The following TBL1XR1 variants were observed in gnomAD, a reference collection of about 807,000 sequenced individuals.
TBL1XR1 encodes the protein F-box-like/WD repeat-containing protein TBL1XR1.
TBL1XR1 carries 5 observed loss-of-function variants against 66.9 expected under a neutral mutation model. The observed-to-expected ratio is 0.07, with a 90% CI of 0.04 to 0.16. The LOEUF is 0.16. Ranked by LOEUF, TBL1XR1 falls within the 10% of genes least tolerant of loss-of-function variation. The pLI, the probability that TBL1XR1 is intolerant of heterozygous loss-of-function variation, is 1.00. For synonymous variants in TBL1XR1, 210 were observed against 206.0 expected, an observed-to-expected ratio of 1.02 and a Z score of -0.17; for missense variants, 238 against 623.2, an observed-to-expected ratio of 0.38 and a Z score of 6.58.
chr3:177,025,544 T>A lies in TBL1XR1; in HGVS notation c.1519-20A>T. ...ACAAACCTGTAAGAAATTAAAATAA[T>A]CAACCAGTGTATTCAGAATTTTATT... On this transcript the variant is annotated intron_variant, in intron 15 of 15. Coordinates refer to ENST00000457928, the MANE Select transcript of TBL1XR1 (RefSeq NM_024665.7). 1 of 1,610,092 alleles carries A rather than the reference T, an allele frequency of 6.2e-7. No individual in the cohort carries two copies. The highest frequency in any genetic ancestry group is 8.5e-7 in the Non-Finnish European group (1 of 1,177,472).
In TBL1XR1 at chr3:177,050,445, T is replaced by A. The variant is rs568169959; in HGVS notation, c.560+33A>T. 8 of 1,608,838 alleles carry A rather than the reference T, an allele frequency of 5.0e-6. No individual in the cohort carries two copies. The African/African-American group carries it at 1.1e-4, about 22-fold the overall frequency. On this transcript the variant is annotated intron_variant, in intron 6 of 15. Coordinates refer to ENST00000457928, the MANE Select transcript of TBL1XR1 (RefSeq NM_024665.7). ...TATAAAATGTTCAATAAGATATTTT[T>A]AAGTCATTTTAGTATCACTTTGAGA... is the stretch of plus-strand genomic sequence containing the variant.
chr3:177,139,164 C>T (rs1195478105), intron 1 of TBL1XR1, among the ~76,000 whole-genome samples: 1 of 151,924 alleles, frequency 6.6e-6, no homozygotes, highest in Non-Finnish European at 1.5e-5. Context: ...AAACACACTG[C>T]AAGATTAAAA....
chr3:177,194,474 G>A (rs949866948), intron 1 of TBL1XR1, among the ~76,000 whole-genome samples: 2 of 152,062 alleles, frequency 1.3e-5, no homozygotes, highest in Non-Finnish European at 2.9e-5. Flanking sequence ...ACCAAAAATT[G>A]AACAAACCCA....
chr3:177,170,527 G>GTTGACGTGGCACA (rs1395389940), intron 1 of TBL1XR1, among the ~76,000 whole-genome samples: 5 of 152,128 alleles, frequency 3.3e-5, no homozygotes, highest in African/African-American at 4.8e-5. Context: ...CTTATTTCCT[G>GTTGACGTGGCACA]TTGACGTGGC....
chr3:177,097,185 C>T (rs183398741), intron 2 of TBL1XR1, among the ~76,000 whole-genome samples: 1 of 152,286 alleles, frequency 6.6e-6, no homozygotes, highest in East Asian at 1.9e-4. Context: ...TCATTTCCCA[C>T]CAAATTCTAT....
intron 1 of TBL1XR1, among the ~76,000 whole-genome samples, chr3:177,180,108 G>A (rs577082864): frequency 2.0e-5 from 3 of 151,850 alleles, no homozygotes; most frequent in East Asian, 3.9e-4. Context: ...ATGGTGGCAC[G>A]TGCCTGTAAT....
chr3:177,045,989 G>T, intron 10 of TBL1XR1, 140 bp downstream of exon 10: 1 of 619,078 alleles, frequency 1.6e-6, no homozygotes. Flanking sequence ...TGAATGTCAT[G>T]GAACATCAAC....
chr3:177,056,278 C>A (rs1403253277), intron 3 of TBL1XR1, among the ~76,000 whole-genome samples: 1 of 152,202 alleles, frequency 6.6e-6, no homozygotes, highest in East Asian at 1.9e-4. Flanking sequence ...TAAATTTGGA[C>A]CCTATTTAAT....
intron 7 of TBL1XR1, 177 bp from the exon 8 acceptor site, chr3:177,047,726 G>T: frequency 1.6e-6 from 1 of 621,962 alleles, no homozygotes. Context: ...CCCTTCCACT[G>T]TGTGACACTA....
chr3:177,045,984 G>A lies in TBL1XR1; in HGVS notation c.925+145C>T, dbSNP rs1008348451. 1.8e-5 allele frequency: 11 copies of A among 601,168 alleles called. No homozygotes were observed. The African/African-American group carries it at 2.0e-4, about 11-fold the overall frequency. The allele number at this position is 601,168 out of a possible 1,614,324, so 37.2% of individuals were successfully genotyped here. A position where few individuals can be genotyped will look rare whatever the true frequency, so the allele number is the denominator to read the frequency against. On this transcript the variant is annotated intron_variant, in intron 10 of 15. Transcript: ENST00000457928. ...TCCTCTGACAATTAAGAGTCTGAAT[G>A]TCATGGAACATCAACTCTCCAAAGG... is the stretch of plus-strand genomic sequence containing the variant.
intron 1 of TBL1XR1, among the ~76,000 whole-genome samples, chr3:177,106,620 A>C (rs1398624817): frequency 6.6e-6 from 1 of 152,208 alleles, no homozygotes; most frequent in African/African-American, 2.4e-5. Flanking sequence ...CATCTGTAAA[A>C]TAAGTTAGGA....
intron 13 of TBL1XR1, 70 bp from the exon 14 acceptor site, chr3:177,033,206 C>T (rs1441655075): frequency 1.5e-6 from 2 of 1,342,540 alleles, no homozygotes; most frequent in Non-Finnish European, 2.0e-6. Flanking sequence ...TCCCACCCAA[C>T]CTCCCATATT....
intron 2 of TBL1XR1, among the ~76,000 whole-genome samples, chr3:177,087,430 T>C (rs779275908): frequency 3.3e-5 from 5 of 152,074 alleles, no homozygotes; most frequent in Non-Finnish European, 7.4e-5. Flanking sequence ...GGGTTGTGAA[T>C]TAAGAACTTT....
chr3:177,174,430 A>AAAG (rs1733927976), intron 1 of TBL1XR1, among the ~76,000 whole-genome samples: 1 of 150,130 alleles, frequency 6.7e-6, no homozygotes. Context: ...AAAAAAAAAA[A>AAAG]GGTTATGATG....
At position 177,189,993 on chromosome 3, in the gene TBL1XR1, C is replaced by T. The variant is rs80095841; in HGVS notation, c.-122+7128G>A. Among the ~76,000 whole-genome samples, 1,367 of 151,894 alleles carry T rather than the reference C, an allele frequency of 9.0e-3. 21 individuals are homozygous for T. Among genetic ancestry groups the T allele is most frequent in the African/African-American group, 0.032 (1,304 of 41,394 alleles). ...TTAAGAAAATAAAGTTCTAGCTGGG[C>T]GTGTAAGCGGACACCTGTAATCCCA... On this transcript the variant is annotated intron_variant, in intron 1 of 15. Coordinates refer to ENST00000457928, the MANE Select transcript of TBL1XR1 (RefSeq NM_024665.7).
chr3:177,071,029 C>CTGTTTTTTT (rs1221991373), intron 2 of TBL1XR1, among the ~76,000 whole-genome samples: 2 of 82,956 alleles, frequency 2.4e-5, no homozygotes, highest in African/African-American at 9.8e-5. Flanking sequence ...TTCTGAGAAT[C>CTGTTTTTTT]TGTTTTTTTT....
At chr3:177,196,730 A>G (rs1418225556) in intron 1 of TBL1XR1, among the ~76,000 whole-genome samples, 2 of 100,602 alleles carry the variant, frequency 2.0e-5, no homozygotes, top group Admixed American at 1.9e-4. Context: ...CCTTTCCTGA[A>G]AGCCTCCCCC....
intron 1 of TBL1XR1, among the ~76,000 whole-genome samples, chr3:177,187,390 CAAA>C (rs57592940): frequency 3.2e-4 from 22 of 68,672 alleles, no homozygotes; most frequent in Non-Finnish European, 4.4e-4. Flanking sequence ...GACTCTATCT[CAAA>C]AAAAAAAAAA....
intron 3 of TBL1XR1, among the ~76,000 whole-genome samples, chr3:177,056,958 G>A (rs1350039630): frequency 6.6e-6 from 1 of 152,078 alleles, no homozygotes; most frequent in Admixed American, 6.6e-5. Flanking sequence ...ACTATTACTT[G>A]TAAAACAAAA....
Sources: allele counts gnomAD v4.1 joint callset (sites outside exome capture counted in the v4.1 genomes callset), GRCh38; gene constraint gnomAD v4.1.1; transcripts MANE v1.5; gene names NCBI Gene and HGNC (gene_info 2026-07-23, HGNC 2026-07-21).